The following ANP32A variants were observed in gnomAD, a reference collection of about 807,000 sequenced individuals.
ANP32A encodes the protein acidic nuclear phosphoprotein 32 family member A, also known as acidic leucine-rich nuclear phosphoprotein 32 family member A.
Under a neutral mutation model 33.9 loss-of-function variants are expected in ANP32A, and 1 was observed. The ratio of observed to expected loss-of-function variants is 0.03; its 90% confidence interval spans 0.01 to 0.14. ANP32A has a LOEUF of 0.14. Ranked by LOEUF, ANP32A falls within the 10% of genes least tolerant of loss-of-function variation. The pLI, the probability that ANP32A is intolerant of heterozygous loss-of-function variation, is 1.00. For missense variants in ANP32A, 155 were observed against 306.0 expected (o/e 0.51, Z 3.68); for synonymous variants, 115 against 120.5 (o/e 0.95, Z 0.30).
At chr15:68,782,787 TC>T in intron 5 of ANP32A, 168 bp downstream of exon 5, 1 of 1,254,070 alleles carries the variant, frequency 8.0e-7, no homozygotes, top group Non-Finnish European at 1.1e-6. Context: ...AAGTCTTGTC[TC>T]CCCAGAAACA....
chr15:68,803,423 T>C (rs1437285249), intron 1 of ANP32A, among the ~76,000 whole-genome samples: 2 of 152,230 alleles, frequency 1.3e-5, no homozygotes, highest in Non-Finnish European at 2.9e-5. Context: ...TCTCTTTTCT[T>C]AGAGGAGTCT....
rs77757549 is a variant in ANP32A at position 68,807,097 on chromosome 15, C to T, written c.54+13601G>A. Among the ~76,000 whole-genome samples the T allele has an allele frequency of 4.3e-3, 648 of 152,340 alleles. 4 individuals are homozygous for T. Among genetic ancestry groups the T allele is most frequent in the African/African-American group, 0.014 (572 of 41,574 alleles). On this transcript the variant is annotated intron_variant, in intron 1 of 6. Coordinates refer to ENST00000465139, the MANE Select transcript of ANP32A (RefSeq NM_006305.4). ...CTATTGGACTTGGCTGAGAGGCGAACGCTGCTGCGTGCCCTGGAAGTCCCC... is the reference window on the plus strand; with the variant it reads ...CTATTGGACTTGGCTGAGAGGCGAATGCTGCTGCGTGCCCTGGAAGTCCCC...
intron 1 of ANP32A, chr15:68,812,988 C>G (rs1332406044): frequency 6.6e-6 from 1 of 152,240 alleles, no homozygotes; most frequent in Non-Finnish European, 1.5e-5. Context: ...TTTAATAGTT[C>G]TCTGGTAATT....
At chr15:68,783,503 GCTC>G (rs985756887) in intron 4 of ANP32A, among the ~76,000 whole-genome samples, 2 of 152,266 alleles carry the variant, frequency 1.3e-5, no homozygotes, top group Admixed American at 6.5e-5. Context: ...GCCAGTTTTG[GCTC>G]CTTTCTGCCA....
At chr15:68,813,505 T>C (rs1390032558) in intron 1 of ANP32A, among the ~76,000 whole-genome samples, 1 of 152,226 alleles carries the variant, frequency 6.6e-6, no homozygotes, top group Non-Finnish European at 1.5e-5. Context: ...GTTGTATAAT[T>C]CTATTTCAAA....
intron 1 of ANP32A, among the ~76,000 whole-genome samples, chr15:68,813,335 A>G (rs950648667): frequency 1.3e-5 from 2 of 152,188 alleles, no homozygotes; most frequent in African/African-American, 2.4e-5. Flanking sequence ...GGCTGCTTCC[A>G]TGTCTGAGAA....
chr15:68,780,010 G>GT lies in ANP32A; in HGVS notation c.*70_*71insA, dbSNP rs1893845932. On this transcript the variant is annotated 3_prime_UTR_variant, in exon 7 of 7. Coordinates refer to ENST00000465139, the MANE Select transcript of ANP32A (RefSeq NM_006305.4). The surrounding 1 kb of genome is among the most constrained non-coding windows in gnomAD (Gnocchi z 4.3). Reference sequence around the variant, plus strand: ...AAGTTTCAGGGGGCAGGATTGGAGGGGGGGGGGAGAGGGGATATGGGTAAA... The same window carrying GT: ...AAGTTTCAGGGGGCAGGATTGGAGGGTGGGGGGGAGAGGGGATATGGGTAAA... The GT allele has an allele frequency of 2.1e-6, 3 of 1,408,282 alleles. No homozygotes were observed. The highest frequency in any genetic ancestry group is 1.4e-5 in the African/African-American group (1 of 70,182). The allele number at this position is 1,408,282 out of a possible 1,614,324, so 87.2% of individuals were successfully genotyped here. A position where few individuals can be genotyped will look rare whatever the true frequency, so the allele number is the denominator to read the frequency against.
intron 1 of ANP32A, among the ~76,000 whole-genome samples, chr15:68,808,579 C>T (rs1478826597): frequency 6.6e-6 from 1 of 152,248 alleles, no homozygotes; most frequent in Non-Finnish European, 1.5e-5. Flanking sequence ...TCAGTGGACT[C>T]CCCTCACCCG....
rs550572369 is a variant in ANP32A at position 68,818,039 on chromosome 15, A to T, written c.54+2659T>A. Among the ~76,000 whole-genome samples the T allele has an allele frequency of 3.2e-3, 492 of 152,206 alleles. 3 individuals carry two copies. The highest frequency in any genetic ancestry group is 6.8e-3 in the African/African-American group (284 of 41,538). ...CCCCGAGTGGGCCTAGCCGTTAAAA[A>T]AAATAAATAAATAAAAATAAATAAA... On this transcript the variant is annotated intron_variant, in intron 1 of 6. Coordinates refer to ENST00000465139, the MANE Select transcript of ANP32A (RefSeq NM_006305.4).
intron 1 of ANP32A, among the ~76,000 whole-genome samples, chr15:68,809,373 C>T (rs73429146): frequency 1.3e-5 from 2 of 152,096 alleles, no homozygotes; most frequent in Non-Finnish European, 2.9e-5. Flanking sequence ...TAAAATAAAA[C>T]GAGCAATTAA....
intron 1 of ANP32A, among the ~76,000 whole-genome samples, chr15:68,800,933 G>A (rs1894126147): frequency 6.6e-6 from 1 of 151,900 alleles, no homozygotes; most frequent in Non-Finnish European, 1.5e-5. Flanking sequence ...CTGAGTGGGT[G>A]GCATGCTTGG....
chr15:68,783,161 C>T (rs1463245016), intron 4 of ANP32A, 108 bp from the exon 5 acceptor site: 1 of 1,484,620 alleles, frequency 6.7e-7, no homozygotes, highest in East Asian at 2.5e-5. Flanking sequence ...TCATGACCCT[C>T]CCACACCCAC....
intron 1 of ANP32A, among the ~76,000 whole-genome samples, chr15:68,813,210 G>A (rs1391139479): frequency 6.6e-6 from 1 of 152,218 alleles, no homozygotes; most frequent in African/African-American, 2.4e-5. Flanking sequence ...GGAAAGCACT[G>A]GGTTGCAGGG....
rs1894248916 is a variant in ANP32A, at chr15:68,807,434, G to GGGC, written c.54+13263_54+13264insGCC. ...CCCCACCTCCACAGAAAACGGGGGG[G>GGGC]GGGGAGTCTCTCCTTTGCCCAGAGC... On this transcript the variant is annotated intron_variant, in intron 1 of 6. Coordinates refer to ENST00000465139, the MANE Select transcript of ANP32A (RefSeq NM_006305.4). Among the ~76,000 whole-genome samples the GGGC allele has an allele frequency of 2.0e-5, 3 of 147,522 alleles. No homozygotes were observed. The South Asian group carries it at 6.3e-4, about 31-fold the overall frequency.
intron 1 of ANP32A, chr15:68,818,350 C>T (rs1894418568): frequency 5.5e-6 from 1 of 183,054 alleles, no homozygotes; most frequent in Middle Eastern, 5.6e-4. Flanking sequence ...GGCAGCGCGG[C>T]GGGGAGGGGC....
chr15:68,811,145 G>T (rs759777119), intron 1 of ANP32A, among the ~76,000 whole-genome samples: 59 of 151,800 alleles, frequency 3.9e-4, no homozygotes, highest in Non-Finnish European at 6.2e-4. Context: ...TGGGATTCTT[G>T]GCACTATTTA....
intron 1 of ANP32A, among the ~76,000 whole-genome samples, chr15:68,796,943 G>C (rs28376712): frequency 0.013 from 1,966 of 152,188 alleles, 38 homozygotes; most frequent in African/African-American, 0.042. Flanking sequence ...CGGAAAGAAC[G>C]TGGCCAATTT....
At chr15:68,810,835 A>G (rs1397488091) in intron 1 of ANP32A, among the ~76,000 whole-genome samples, 2 of 152,090 alleles carry the variant, frequency 1.3e-5, no homozygotes, top group Non-Finnish European at 2.9e-5. Flanking sequence ...CGAGGCAGGC[A>G]GATCACTTGA....
At chr15:68,792,850 T>C (rs1226241294) in intron 1 of ANP32A, among the ~76,000 whole-genome samples, 1 of 152,226 alleles carries the variant, frequency 6.6e-6, no homozygotes, top group East Asian at 1.9e-4. Flanking sequence ...AAGGGGATGA[T>C]GAGATCTGTT....
Sources: allele counts gnomAD v4.1 joint callset (sites outside exome capture counted in the v4.1 genomes callset), GRCh38; gene constraint gnomAD v4.1.1; non-coding constraint Gnocchi (gnomAD v3.1); transcripts MANE v1.5; gene names NCBI Gene and HGNC (gene_info 2026-07-23, HGNC 2026-07-21).